Variants in PIEZO2 observed in about 807,000 individuals in gnomAD.
PIEZO2 encodes the protein piezo-type mechanosensitive ion channel component 2.
A neutral mutation model predicts 337.3 loss-of-function variants in PIEZO2; 172 were observed. That is an observed-to-expected ratio of 0.51 (90% CI 0.45 to 0.58). The LOEUF (loss-of-function observed/expected upper bound fraction) is 0.58, where lower values mean the gene tolerates loss of function less well. Ranked by LOEUF, PIEZO2 falls within the 20% of genes least tolerant of loss-of-function variation. The probability of loss-of-function intolerance (pLI) is 0.00; values close to 1 mark genes in which losing one functional copy is unlikely to be tolerated. For synonymous variants in PIEZO2, 1,251 were observed against 1,228.5 expected (o/e 1.02, Z -0.38); for missense variants, 3,028 against 3,391.3 (o/e 0.89, Z 2.66).
At chr18:10,974,123 G>T (rs761120466) in intron 3 of PIEZO2, among the ~76,000 whole-genome samples, 17 of 152,154 alleles carry the variant, frequency 1.1e-4, no homozygotes, top group Non-Finnish European at 2.1e-4. Flanking sequence ...CACAGTCGTC[G>T]GGATGGGAGG....
At chr18:10,818,624 T>C (rs920917327) in intron 7 of PIEZO2, among the ~76,000 whole-genome samples, 4 of 152,246 alleles carry the variant, frequency 2.6e-5, no homozygotes, top group Non-Finnish European at 5.9e-5. Flanking sequence ...GCTAAATCAC[T>C]AAAAATTCTA....
intron 7 of PIEZO2, among the ~76,000 whole-genome samples, chr18:10,845,789 CTACTT>C (rs1319659112): frequency 6.6e-6 from 1 of 152,190 alleles, no homozygotes; most frequent in African/African-American, 2.4e-5. Context: ...AAGCTACTGA[CTACTT>C]TAGGCATGTT....
Position 10,726,277 on chromosome 18 carries a change from G to C in PIEZO2, c.5029+5130C>G. On this transcript the variant is annotated intron_variant, in intron 36 of 55. Transcript: ENST00000674853. This position sits in a 1 kb window ranked among gnomAD's most constrained non-coding sequence, Gnocchi z 5.9. ...AGCCTGTGTTCGGGAGCATGAGAAT[G>C]GAAGCGTCGCGGCCAGAGCCCCGGC... is the stretch of plus-strand genomic sequence containing the variant. 1 of 857,706 alleles carries C rather than the reference G, an allele frequency of 1.2e-6. No homozygotes were observed. The highest frequency in any genetic ancestry group is 1.5e-5 in the South Asian group (1 of 65,978). 53.1% of individuals were successfully genotyped at this position (857,706 alleles called of 1,614,324 possible). A position where few individuals can be genotyped will look rare whatever the true frequency, so the allele number is the denominator to read the frequency against.
chr18:10,681,958 C>A (rs2034285552), intron 50 of PIEZO2, 146 bp downstream of exon 50: 3 of 903,070 alleles, frequency 3.3e-6, no homozygotes, highest in South Asian at 1.8e-5. Context: ...GTCTTCTGCA[C>A]CTTATTCATA....
intron 2 of PIEZO2, among the ~76,000 whole-genome samples, chr18:10,987,830 C>A (rs2034938262): frequency 6.6e-6 from 1 of 151,896 alleles, no homozygotes; most frequent in Non-Finnish European, 1.5e-5. Context: ...ATATAAAGAA[C>A]AACTGAATAA....
rs911362724 is a variant in PIEZO2 at position 11,021,930 on chromosome 18, G to A, written c.161-42270C>T. On this transcript the variant is annotated intron_variant, in intron 2 of 55. Coordinates refer to ENST00000674853, the MANE Select transcript of PIEZO2 (RefSeq NM_001378183.1). The surrounding 1 kb of genome is among the most constrained non-coding windows in gnomAD (Gnocchi z 4.7). ...CTTTCCTAGTTGTTCCTAAATCCCT[G>A]TGCCCCTTGCAGAGTCACCACGTGT... Among the ~76,000 whole-genome samples the A allele has an allele frequency of 2.6e-5, 4 of 152,134 alleles. No homozygotes were observed. Among genetic ancestry groups the A allele is most frequent in the Non-Finnish European group, 4.4e-5 (3 of 68,034 alleles).
chr18:10,731,177 T>TTATATA (rs60508630), intron 36 of PIEZO2, among the ~76,000 whole-genome samples: 168 of 35,060 alleles, frequency 4.8e-3, no homozygotes, highest in Middle Eastern at 0.042. Context: ...ACTTAAAAGA[T>TTATATA]TATATATATA....
intron 52 of PIEZO2, among the ~76,000 whole-genome samples, chr18:10,678,933 C>CTT (rs552952913): frequency 3.4e-4 from 44 of 128,530 alleles, no homozygotes; most frequent in South Asian, 1.0e-3. Flanking sequence ...GCTGCAATTT[C>CTT]TTTTTTTTTT....
At chr18:10,741,891 C>T (rs1473863575) in intron 32 of PIEZO2, among the ~76,000 whole-genome samples, 2 of 152,070 alleles carry the variant, frequency 1.3e-5, no homozygotes, top group African/African-American at 2.4e-5. Context: ...CGGTGGCTCA[C>T]GCCTGTAATC....
In PIEZO2 at chr18:10,905,246, A is replaced by C. The variant is rs138026881; in HGVS notation, c.329+5940T>G. On this transcript the variant is annotated intron_variant, in intron 4 of 55. Coordinates refer to ENST00000674853, the MANE Select transcript of PIEZO2 (RefSeq NM_001378183.1). The stretch of plus-strand genomic sequence containing the variant: ...AGGGTTAATCATTGAATTAAGACAG[A>C]GGTACTGTGTATCTCTCCATGCCAT... 5.4e-3 allele frequency among the ~76,000 whole-genome samples: 820 copies of C among 152,314 alleles called. 4 individuals are homozygous for C. Among genetic ancestry groups the C allele is most frequent in the Non-Finnish European group, 9.5e-3 (643 of 68,032 alleles).
intron 10 of PIEZO2, 148 bp from the exon 11 acceptor site, chr18:10,800,623 A>G (rs2039778389): frequency 1.1e-6 from 1 of 931,136 alleles, no homozygotes; most frequent in Non-Finnish European, 1.5e-6. Context: ...CAAATATTTT[A>G]GTAAGGGGAA....
At chr18:10,946,866 G>C (rs1292371092) in intron 3 of PIEZO2, among the ~76,000 whole-genome samples, 1 of 151,992 alleles carries the variant, frequency 6.6e-6, no homozygotes, top group African/African-American at 2.4e-5. Context: ...AGTAAGAAAA[G>C]GGCACTAACA....
chr18:11,133,541 C>T (rs2040397761), intron 1 of PIEZO2, among the ~76,000 whole-genome samples: 1 of 152,022 alleles, frequency 6.6e-6, no homozygotes, highest in African/African-American at 2.4e-5. Flanking sequence ...GCAGATCCAC[C>T]CTTAATCTGG....
At chr18:10,845,014 G>A (rs934833034) in intron 7 of PIEZO2, among the ~76,000 whole-genome samples, 3 of 152,022 alleles carry the variant, frequency 2.0e-5, no homozygotes, top group African/African-American at 7.2e-5. Context: ...TGTTATTATA[G>A]TTTTAATTAA....
intron 2 of PIEZO2, among the ~76,000 whole-genome samples, chr18:10,994,678 G>T (rs2035240833): frequency 6.6e-6 from 1 of 151,782 alleles, no homozygotes; most frequent in Non-Finnish European, 1.5e-5. Flanking sequence ...AAAGTGCTGG[G>T]ATTACAGGTG....
At chr18:11,087,953 A>G (rs1011653674) in intron 1 of PIEZO2, among the ~76,000 whole-genome samples, 1 of 152,248 alleles carries the variant, frequency 6.6e-6, no homozygotes, top group Non-Finnish European at 1.5e-5. Context: ...TTCACCTTCA[A>G]ATGAAGAATG....
chr18:10,825,550 CTT>C (rs57159292), intron 7 of PIEZO2, among the ~76,000 whole-genome samples: 10 of 113,810 alleles, frequency 8.8e-5, no homozygotes, highest in South Asian at 3.1e-4. Flanking sequence ...TCCTTTCTTC[CTT>C]TTTTTTTTTT....
Position 10,787,878 on chromosome 18 carries a change from AT to A in PIEZO2, c.2170-695del, listed in dbSNP as rs533744299. On this transcript the variant is annotated intron_variant, in intron 15 of 55. Transcript: ENST00000674853. ...AAGTGAGTCTGTGGAGAAGTAACTC[AT>A]TTTAATGTATCTCATATATTAACTT... Among the ~76,000 whole-genome samples, 97 of 152,318 alleles carry A rather than the reference AT, an allele frequency of 6.4e-4. 1 individual carries two copies. The highest frequency in any genetic ancestry group is 2.1e-3 in the South Asian group (10 of 4,826).
rs2041636828 is a variant in PIEZO2, at chr18:10,854,207, A to C, written c.917+1146T>G. Among the ~76,000 whole-genome samples the C allele has an allele frequency of 2.0e-5, 3 of 152,232 alleles. No individual in the cohort carries two copies. In the South Asian group the frequency reaches 6.2e-4, roughly 31 times the overall value. Reference sequence around the variant, plus strand: ...AATGGGAGGTTAGGTCAAAAGTCTTAACCATATGATGCTGTATAGCTCATC... The same window carrying C: ...AATGGGAGGTTAGGTCAAAAGTCTTCACCATATGATGCTGTATAGCTCATC... On this transcript the variant is annotated intron_variant, in intron 7 of 55. Transcript: ENST00000674853. This position sits in a 1 kb window ranked among gnomAD's most constrained non-coding sequence, Gnocchi z 4.6.
Sources: gnomAD v4.1 joint callset for allele counts (sites outside exome capture counted in the v4.1 genomes callset) on GRCh38, gnomAD v4.1.1 for gene constraint, Gnocchi (gnomAD v3.1) non-coding constraint, MANE v1.5 for transcripts, NCBI Gene and HGNC (gene_info 2026-07-23, HGNC 2026-07-21) for gene names.